CADM2: variants seen among roughly 807,000 people sequenced by gnomAD.
CADM2 encodes the protein immunoglobulin superfamily member 4D.
A neutral mutation model predicts 49.8 loss-of-function variants in CADM2; 12 were observed. That is an observed-to-expected ratio of 0.24 (90% CI 0.15 to 0.39). The LOEUF is 0.39. Ranked by LOEUF, CADM2 falls within the 10% of genes least tolerant of loss-of-function variation. The probability of loss-of-function intolerance (pLI) is 1.00; values close to 1 mark genes in which losing one functional copy is unlikely to be tolerated. For synonymous variants in CADM2, 214 were observed against 175.4 expected, an observed-to-expected ratio of 1.22 and a Z score of -1.74; for missense variants, 378 against 492.3, an observed-to-expected ratio of 0.77 and a Z score of 2.20.
chr3:86,005,036 TCATGTCTTGCTC>T (rs1365658290), intron 8 of CADM2, among the ~76,000 whole-genome samples: 1 of 151,948 alleles, frequency 6.6e-6, no homozygotes, highest in Non-Finnish European at 1.5e-5. Context: ...AAAGCAAGAG[TCATGTCTTGCTC>T]CATTTATTGT....
At position 85,886,183 on chromosome 3, in the gene CADM2, A is replaced by G. The variant is rs2108401450; in HGVS notation, c.392-7A>G. 6.2e-7 allele frequency: 1 copy of G among 1,612,590 alleles called. No individual in the cohort carries two copies. The highest frequency in any genetic ancestry group is 8.5e-7 in the Non-Finnish European group (1 of 1,178,986). The stretch of plus-strand genomic sequence containing the variant: ...GATGCTCACTTCATCATTCGCTTAA[A>G]TTTCAGGTGTTCCTGAAAAGCCTCA... On this transcript the variant is annotated splice_region_variant and splice_polypyrimidine_tract_variant and intron_variant, in intron 4 of 9. Coordinates refer to ENST00000383699, the MANE Select transcript of CADM2 (RefSeq NM_001167675.2).
chr3:85,981,847 T>C (rs989589447), intron 8 of CADM2, among the ~76,000 whole-genome samples: 3 of 151,744 alleles, frequency 2.0e-5, no homozygotes, highest in African/African-American at 7.3e-5. Context: ...GGTAGAACAA[T>C]TTATATTCTT....
intron 1 of CADM2, among the ~76,000 whole-genome samples, chr3:85,039,737 T>C (rs1231335961): frequency 6.6e-6 from 1 of 152,182 alleles, no homozygotes; most frequent in Non-Finnish European, 1.5e-5. Flanking sequence ...TGCCAGCATC[T>C]AGTTAATTTA....
intron 1 of CADM2, among the ~76,000 whole-genome samples, chr3:85,357,112 T>C (rs1559797813): frequency 6.6e-6 from 1 of 152,136 alleles, no homozygotes; most frequent in Non-Finnish European, 1.5e-5. Context: ...CTATTATTTA[T>C]ATCCAAACTT....
intron 1 of CADM2, among the ~76,000 whole-genome samples, chr3:85,141,361 T>C (rs886766813): frequency 5.3e-5 from 8 of 152,206 alleles, no homozygotes; most frequent in African/African-American, 1.7e-4. Flanking sequence ...GAGGATTAAA[T>C]ACTTAACACA....
rs1703342927 is a variant in CADM2 at position 86,072,508 on chromosome 3, A to T, written c.*5725A>T. On this transcript the variant is annotated 3_prime_UTR_variant, in exon 10 of 10. Coordinates refer to ENST00000383699, the MANE Select transcript of CADM2 (RefSeq NM_001167675.2). Reference sequence around the variant, plus strand: ...TATTTGAAGATTGCAGGGGCAAAACAAAAACCTACCAGGGCTCAGCACTTA... The same window carrying T: ...TATTTGAAGATTGCAGGGGCAAAACTAAAACCTACCAGGGCTCAGCACTTA... The T allele has an allele frequency of 6.6e-6, 1 of 152,086 alleles. No homozygotes were observed. Among genetic ancestry groups the T allele is most frequent in the African/African-American group, 2.4e-5 (1 of 41,440 alleles). 9.4% of individuals were successfully genotyped at this position (152,086 alleles called of 1,614,324 possible). A position where few individuals can be genotyped will look rare whatever the true frequency, so the allele number is the denominator to read the frequency against.
intron 8 of CADM2, among the ~76,000 whole-genome samples, chr3:85,995,111 G>A (rs1397878840): frequency 6.6e-6 from 1 of 150,984 alleles, no homozygotes; most frequent in Non-Finnish European, 1.5e-5. Flanking sequence ...ACAGCTGTTA[G>A]TGTTTTAAGG....
intron 1 of CADM2, among the ~76,000 whole-genome samples, chr3:85,698,384 C>T (rs1256938095): frequency 6.6e-6 from 1 of 152,152 alleles, no homozygotes; most frequent in Non-Finnish European, 1.5e-5. Context: ...GTATTTCTAG[C>T]TGTGTTAGTC....
chr3:85,501,494 T>C (rs925919496), intron 1 of CADM2, among the ~76,000 whole-genome samples: 3 of 152,114 alleles, frequency 2.0e-5, no homozygotes, highest in African/African-American at 7.2e-5. Context: ...AATAAATATT[T>C]TGGAATGAGA....
chr3:85,652,951 T>G (rs995213017), intron 1 of CADM2, among the ~76,000 whole-genome samples: 1 of 151,322 alleles, frequency 6.6e-6, no homozygotes, highest in Non-Finnish European at 1.5e-5. Flanking sequence ...CTAATTTTTG[T>G]GTAAGTAGAG....
intron 1 of CADM2, among the ~76,000 whole-genome samples, chr3:85,680,066 G>A (rs954478712): frequency 5.3e-5 from 8 of 152,074 alleles, no homozygotes; most frequent in African/African-American, 1.7e-4. Flanking sequence ...TCTTTGGAAA[G>A]CATTTCAATT....
At chr3:85,989,567 A>G (rs972942340) in intron 8 of CADM2, among the ~76,000 whole-genome samples, 1 of 152,152 alleles carries the variant, frequency 6.6e-6, no homozygotes, top group Non-Finnish European at 1.5e-5. Context: ...AAACAGGACG[A>G]AAGATGGATT....
chr3:85,919,125 A>C (rs552663411), intron 6 of CADM2, among the ~76,000 whole-genome samples: 68 of 152,176 alleles, frequency 4.5e-4, no homozygotes, highest in African/African-American at 1.5e-3. Context: ...GAAAATATGA[A>C]AAATGAGAGT....
At chr3:85,594,463 A>G (rs2063189501) in intron 1 of CADM2, among the ~76,000 whole-genome samples, 1 of 151,928 alleles carries the variant, frequency 6.6e-6, no homozygotes, top group African/African-American at 2.4e-5. Flanking sequence ...GCAGGCAATA[A>G]TTGTTTTGTT....
intron 8 of CADM2, among the ~76,000 whole-genome samples, chr3:86,064,353 C>T (rs1739061661): frequency 6.6e-6 from 1 of 152,034 alleles, no homozygotes; most frequent in Non-Finnish European, 1.5e-5. Flanking sequence ...TGGTTTCCAG[C>T]TTCATCCATG....
At chr3:85,073,013 T>C (rs2036816014) in intron 1 of CADM2, among the ~76,000 whole-genome samples, 1 of 152,184 alleles carries the variant, frequency 6.6e-6, no homozygotes, top group Non-Finnish European at 1.5e-5. Flanking sequence ...TTGTTTTTCA[T>C]TGTAAGACTC....
chr3:85,990,920 G>A (rs942995061), intron 8 of CADM2, among the ~76,000 whole-genome samples: 1 of 152,166 alleles, frequency 6.6e-6, no homozygotes, highest in African/African-American at 2.4e-5. Context: ...ATGCCATTTT[G>A]TCATAAGGAT....
chr3:85,617,853 A>G (rs1026810426), intron 1 of CADM2, among the ~76,000 whole-genome samples: 1 of 152,214 alleles, frequency 6.6e-6, no homozygotes, highest in Non-Finnish European at 1.5e-5. Flanking sequence ...ACAAAAAGTG[A>G]TAAAATAAAG....
intron 1 of CADM2, among the ~76,000 whole-genome samples, chr3:85,343,186 T>G (rs528146651): frequency 3.2e-4 from 49 of 152,290 alleles, no homozygotes; most frequent in African/African-American, 1.1e-3. Context: ...CCCACGAGAA[T>G]TACTTATGCC....
Sources: gnomAD v4.1 joint callset for allele counts (sites outside exome capture counted in the v4.1 genomes callset) on GRCh38, gnomAD v4.1.1 for gene constraint, MANE v1.5 for transcripts, NCBI Gene and HGNC (gene_info 2026-07-23, HGNC 2026-07-21) for gene names.